Variants in DPP10 observed in about 807,000 individuals in gnomAD.
The protein encoded by DPP10 is dipeptidyl peptidase like 10, also known as inactive dipeptidyl peptidase 10.
DPP10 carries 33 observed loss-of-function variants against 120.9 expected under a neutral mutation model. That is an observed-to-expected ratio of 0.27 (90% CI 0.21 to 0.37). DPP10 has a LOEUF of 0.37. Among genes scored for constraint, DPP10 ranks in the 10% least tolerant of loss-of-function variants. DPP10 has a pLI of 1.00. For missense variants in DPP10, 816 were observed against 942.8 expected, an observed-to-expected ratio of 0.87 and a Z score of 1.76; for synonymous variants, 337 against 326.1, an observed-to-expected ratio of 1.03 and a Z score of -0.36.
chr2:115,812,938 T>C (rs996075726), intron 19 of DPP10, among the ~76,000 whole-genome samples: 1 of 144,192 alleles, frequency 6.9e-6, no homozygotes, highest in Non-Finnish European at 1.5e-5. Context: ...AGGACCACCA[T>C]AACTAAATAT....
At chr2:115,221,573 G>A (rs1242742585) in intron 1 of DPP10, among the ~76,000 whole-genome samples, 1 of 152,056 alleles carries the variant, frequency 6.6e-6, no homozygotes, top group Non-Finnish European at 1.5e-5. Context: ...TATATAGATG[G>A]CTGACCTCTT....
intron 1 of DPP10, among the ~76,000 whole-genome samples, chr2:115,055,912 C>T (rs1297900975): frequency 6.6e-6 from 1 of 151,860 alleles, no homozygotes; most frequent in Non-Finnish European, 1.5e-5. Context: ...ATATTGGACT[C>T]ACTCTTAAAA....
rs543484275 is a variant in DPP10 at position 115,837,500 on chromosome 2, C to T, written c.2182+754C>T. Among the ~76,000 whole-genome samples, 214 of 152,282 alleles carry T rather than the reference C, an allele frequency of 1.4e-3. 1 individual carries two copies. The South Asian group carries it at 0.023, about 17-fold the overall frequency. ...GCAAGTGAGACAAGAAAGTCAAAGT[C>T]TTGAATCAATATTTCCTAAATCTTG... On this transcript the variant is annotated intron_variant, in intron 24 of 25. Transcript: ENST00000410059.
chr2:115,608,875 A>G (rs2083889415), intron 5 of DPP10, among the ~76,000 whole-genome samples: 1 of 152,132 alleles, frequency 6.6e-6, no homozygotes, highest in South Asian at 2.1e-4. Context: ...TATGTTAGAC[A>G]AAGTTGAAGA....
intron 1 of DPP10, among the ~76,000 whole-genome samples, chr2:114,930,350 G>T (rs1173661331): frequency 1.3e-5 from 2 of 152,042 alleles, no homozygotes; most frequent in Non-Finnish European, 2.9e-5. Context: ...ACCAAATCAG[G>T]TTGTAAGCAA....
intron 1 of DPP10, among the ~76,000 whole-genome samples, chr2:115,026,136 A>G (rs13007761): frequency 0.23 from 35,592 of 152,062 alleles, 4,812 homozygotes; most frequent in East Asian, 0.33. Flanking sequence ...GTTTTCTTTT[A>G]GTAGTTTCAT....
At position 114,576,784 on chromosome 2, in the gene DPP10, A is replaced by G. The variant is rs1690083743; in HGVS notation, c.60+133946A>G. Among the ~76,000 whole-genome samples the G allele has an allele frequency of 1.3e-5, 2 of 152,134 alleles. 1 individual carries two copies. The highest frequency in any genetic ancestry group is 4.8e-5 in the African/African-American group (2 of 41,428). ...CTGCTCTGCAAGACAGACTCAAGAT[A>G]TGTTCTTTGGCATGTCTTTCCAACA... On this transcript the variant is annotated intron_variant, in intron 1 of 25. Coordinates refer to ENST00000410059, the MANE Select transcript of DPP10 (RefSeq NM_020868.6).
At chr2:115,231,109 C>A (rs1352179698) in intron 1 of DPP10, among the ~76,000 whole-genome samples, 1 of 151,698 alleles carries the variant, frequency 6.6e-6, no homozygotes, top group Non-Finnish European at 1.5e-5. Context: ...TTTTGTTATC[C>A]TGCATAACTG....
chr2:114,504,088 CT>C (rs1683428992), intron 1 of DPP10, among the ~76,000 whole-genome samples: 1 of 152,136 alleles, frequency 6.6e-6, no homozygotes, highest in Admixed American at 6.5e-5. Flanking sequence ...CAGTAAGTAG[CT>C]GTAGTCTTTC....
At chr2:115,315,975 G>A (rs2061773249) in intron 2 of DPP10, among the ~76,000 whole-genome samples, 1 of 151,962 alleles carries the variant, frequency 6.6e-6, no homozygotes, top group Non-Finnish European at 1.5e-5. Context: ...CTATATTTAA[G>A]CCATATGTGA....
intron 1 of DPP10, among the ~76,000 whole-genome samples, chr2:114,592,154 G>T (rs951009912): frequency 3.3e-5 from 5 of 152,238 alleles, no homozygotes; most frequent in African/African-American, 1.2e-4. Context: ...ACAGCTCTTT[G>T]CTTTCTTTCT....
In DPP10 at chr2:114,806,463, G is replaced by A. The variant is rs188703944; in HGVS notation, c.60+363625G>A. 2.0e-5 allele frequency among the ~76,000 whole-genome samples: 3 copies of A among 152,210 alleles called. No homozygotes were observed. In the East Asian group the frequency reaches 5.8e-4, roughly 29 times the overall value. On this transcript the variant is annotated intron_variant, in intron 1 of 25. Coordinates refer to ENST00000410059, the MANE Select transcript of DPP10 (RefSeq NM_020868.6). ...CATTTTGATTTATTCTCAGAAAAAG[G>A]AATAAATTGAACTATACCTCAGAAG... is the stretch of plus-strand genomic sequence containing the variant.
chr2:115,514,249 C>A (rs1406636504), intron 4 of DPP10, among the ~76,000 whole-genome samples: 1 of 151,746 alleles, frequency 6.6e-6, no homozygotes, highest in African/African-American at 2.4e-5. Flanking sequence ...TCTTTTTGAG[C>A]AGAATTTTTT....
At chr2:115,210,710 T>C (rs1396962136) in intron 1 of DPP10, among the ~76,000 whole-genome samples, 4 of 152,138 alleles carry the variant, frequency 2.6e-5, no homozygotes, top group African/African-American at 9.7e-5. Context: ...TGATCACCAT[T>C]CTAACTGGTG....
chr2:114,762,274 A>G (rs961672127), intron 1 of DPP10, among the ~76,000 whole-genome samples: 3 of 152,248 alleles, frequency 2.0e-5, no homozygotes, highest in Non-Finnish European at 4.4e-5. Context: ...TGCCTCTTCT[A>G]CATCTTTTCT....
In DPP10 at chr2:115,000,171, G is replaced by A. The variant is rs572741241; in HGVS notation, c.61-309068G>A. On this transcript the variant is annotated intron_variant, in intron 1 of 25. Coordinates refer to ENST00000410059, the MANE Select transcript of DPP10 (RefSeq NM_020868.6). ...TCTTTTCTACACAAGAACCAATCTA[G>A]TATTGGGCCCTCATTTTAATTAGAT... Among the ~76,000 whole-genome samples, 11 of 151,638 alleles carry A rather than the reference G, an allele frequency of 7.3e-5. No homozygotes were observed. In the East Asian group the frequency reaches 1.5e-3, roughly 21 times the overall value.
intron 1 of DPP10, among the ~76,000 whole-genome samples, chr2:115,277,635 T>C (rs2059974798): frequency 1.3e-5 from 2 of 152,054 alleles, no homozygotes; most frequent in African/African-American, 4.8e-5. Context: ...ATTCTAGTTA[T>C]ACATCTATAC....
At chr2:114,767,752 G>C (rs1295285545) in intron 1 of DPP10, among the ~76,000 whole-genome samples, 1 of 152,162 alleles carries the variant, frequency 6.6e-6, no homozygotes, top group Non-Finnish European at 1.5e-5. Context: ...TCCAGGGGTT[G>C]AGAACCATTA....
rs116478035 is a variant in DPP10 at position 115,112,544 on chromosome 2, T to A, written c.61-196695T>A. On this transcript the variant is annotated intron_variant, in intron 1 of 25. Coordinates refer to ENST00000410059, the MANE Select transcript of DPP10 (RefSeq NM_020868.6). Reference sequence around the variant, plus strand: ...TAACATATGTGTTACCTCTCACACTTACCATTTTTTCTGATAAGAATATCT... The same window carrying A: ...TAACATATGTGTTACCTCTCACACTAACCATTTTTTCTGATAAGAATATCT... Among the ~76,000 whole-genome samples, 223 of 152,332 alleles carry A rather than the reference T, an allele frequency of 1.5e-3. 4 individuals are homozygous for A. The highest frequency in any genetic ancestry group is 5.1e-3 in the African/African-American group (214 of 41,588).
Sources: gnomAD v4.1 joint callset for allele counts (sites outside exome capture counted in the v4.1 genomes callset) on GRCh38, gnomAD v4.1.1 for gene constraint, MANE v1.5 for transcripts, NCBI Gene and HGNC (gene_info 2026-07-23, HGNC 2026-07-21) for gene names.